The following TRABD2A variants were observed in gnomAD, a reference collection of about 807,000 sequenced individuals.
TRABD2A encodes metalloprotease TIKI1.
A neutral mutation model predicts 45.6 loss-of-function variants in TRABD2A; 43 were observed. The observed-to-expected ratio is 0.94, with a 90% CI of 0.74 to 1.22. TRABD2A has a LOEUF of 1.22. Among genes scored for constraint, TRABD2A ranks in the 50% most tolerant of loss-of-function variants. The pLI is 0.00. For missense variants in TRABD2A, 642 were observed against 652.4 expected, an observed-to-expected ratio of 0.98 and a Z score of 0.17; for synonymous variants, 269 against 265.0, an observed-to-expected ratio of 1.02 and a Z score of -0.15.
chr2:84,858,842 A>C (rs1682400998), intron 2 of TRABD2A, among the ~76,000 whole-genome samples: 1 of 152,180 alleles, frequency 6.6e-6, no homozygotes, highest in Non-Finnish European at 1.5e-5. Context: ...GTTGATTCCC[A>C]TTTGGCCATG....
Position 84,870,317 on chromosome 2 carries a change from C to A in TRABD2A, c.577G>T (p.Ala193Ser), listed in dbSNP as rs773475876. ...RGVPVLDLFL[A>S]QEAERLRKQT... ...TTCCTCAGCCGCTCAGCCTCCTGGG[C>A]AAGGAACAGGTCTAAGACAGGCACT... is the stretch of plus-strand genomic sequence containing the variant. The change falls in exon 2 of 7, where the codon GCC becomes TCC. Residue 193 changes from alanine (A) to serine (S), a missense_variant. Transcript: ENST00000409520. The A allele has an allele frequency of 1.9e-6, 3 of 1,614,018 alleles. No homozygotes were observed. The Admixed American group carries it at 5.0e-5, about 27-fold the overall frequency.
chr2:84,839,672 T>C (rs1041975429), intron 3 of TRABD2A, among the ~76,000 whole-genome samples: 1 of 152,194 alleles, frequency 6.6e-6, no homozygotes, highest in South Asian at 2.1e-4. Context: ...GATTCATACA[T>C]GCTTTTCTTA....
chr2:84,857,819 C>A (rs551809474), intron 2 of TRABD2A, among the ~76,000 whole-genome samples: 1 of 152,358 alleles, frequency 6.6e-6, no homozygotes, highest in South Asian at 2.1e-4. Flanking sequence ...CAGCCACACT[C>A]AGCGGTCAAA....
chr2:84,840,481 C>G lies in TRABD2A; in HGVS notation c.817-1158G>C, dbSNP rs539852936. Among the ~76,000 whole-genome samples the G allele has an allele frequency of 2.0e-5, 3 of 152,332 alleles. No homozygotes were observed. In the South Asian group the frequency reaches 6.2e-4, roughly 32 times the overall value. On this transcript the variant is annotated intron_variant, in intron 3 of 6. Transcript: ENST00000409520. ...CCTGCACCACTCCCTGCTGGCCAGC[C>G]TGGCCCTCACTCACAGTGACAGCAC...
At position 84,839,939 on chromosome 2, in the gene TRABD2A, G is replaced by A. The variant is rs141714001; in HGVS notation, c.817-616C>T. On this transcript the variant is annotated intron_variant, in intron 3 of 6. Coordinates refer to ENST00000409520, the MANE Select transcript of TRABD2A (RefSeq NM_001277053.2). ...GTGCATCAAAATTGTGACAATCAGC[G>A]TGGTTCTTGCAGCCCAGGAGCTACA... Among the ~76,000 whole-genome samples, 780 of 152,254 alleles carry A rather than the reference G, an allele frequency of 5.1e-3. 1 individual carries two copies. The highest frequency in any genetic ancestry group is 0.017 in the African/African-American group (720 of 41,538).
intron 1 of TRABD2A, among the ~76,000 whole-genome samples, chr2:84,880,327 CG>C (rs1410569970): frequency 6.6e-6 from 1 of 152,112 alleles, no homozygotes; most frequent in Non-Finnish European, 1.5e-5. Context: ...CTAAAGCGCC[CG>C]GCTGGACACG....
chr2:84,866,799 C>T (rs889419221), intron 2 of TRABD2A, among the ~76,000 whole-genome samples: 1 of 151,810 alleles, frequency 6.6e-6, no homozygotes, highest in Non-Finnish European at 1.5e-5. Flanking sequence ...AAGTCATACA[C>T]TGAGGCCAGG....
chr2:84,852,060 C>T (rs1467584341), intron 2 of TRABD2A, among the ~76,000 whole-genome samples: 2 of 152,164 alleles, frequency 1.3e-5, no homozygotes, highest in Non-Finnish European at 2.9e-5. Flanking sequence ...GGAGGCTCCA[C>T]GTGGTCCCTG....
chr2:84,863,990 T>C (rs1324296530), intron 2 of TRABD2A, among the ~76,000 whole-genome samples: 1 of 151,726 alleles, frequency 6.6e-6, no homozygotes, highest in Non-Finnish European at 1.5e-5. Context: ...GGAAAAGTCA[T>C]CTATGAGCAT....
rs1179524293 is a variant in TRABD2A, at chr2:84,838,673, T to G, written c.991+476A>C. On this transcript the variant is annotated intron_variant, in intron 4 of 6. Coordinates refer to ENST00000409520, the MANE Select transcript of TRABD2A (RefSeq NM_001277053.2). ...GAGTCACTCCGGGGGAGAGAATTTA[T>G]TTCAAGAAGCCCACAAAAGAAAATA... Among the ~76,000 whole-genome samples, 279 of 152,316 alleles carry G rather than the reference T, an allele frequency of 1.8e-3. 1 individual carries two copies. The highest frequency in any genetic ancestry group is 6.5e-3 in the African/African-American group (272 of 41,554).
rs192992850 is a variant in TRABD2A, at chr2:84,873,345, G to A, written c.109-2560C>T. On this transcript the variant is annotated intron_variant, in intron 1 of 6. Transcript: ENST00000409520. ...CTGAGGCAGGAGAATCGCTTGAACC[G>A]GGAGGCAGAGGTTTCAGTGAGCCAA... 2.2e-3 allele frequency among the ~76,000 whole-genome samples: 332 copies of A among 151,352 alleles called. 1 individual carries two copies. The highest frequency in any genetic ancestry group is 7.7e-3 in the African/African-American group (318 of 41,206).
Position 84,870,521 on chromosome 2 carries a change from G to A in TRABD2A, c.373C>T (p.Arg125Cys), listed in dbSNP as rs763234862. The A allele has an allele frequency of 1.7e-5, 28 of 1,613,886 alleles. No individual in the cohort carries two copies. The highest frequency in any genetic ancestry group is 2.7e-5 in the African/African-American group (2 of 74,910). The change falls in exon 2 of 7, where the codon CGC (arginine) becomes TGC (cysteine). Residue 125 changes from arginine to cysteine, a missense_variant. Arg to Cys is a radical substitution (Grantham distance 180). Transcript: ENST00000409520. The stretch of plus-strand genomic sequence containing the variant: ...ATGAGCTTGACATACTCCAGGTGGC[G>A]CTTGAGGCGGCAGTAGATGTCCCTG... ...LPRDIYCRLK[R>C]HLEYVKLMMP...
chr2:84,880,796 C>A (rs1359311409), intron 1 of TRABD2A, 136 bp downstream of exon 1: 3 of 1,312,440 alleles, frequency 2.3e-6, no homozygotes, highest in Non-Finnish European at 3.1e-6. Context: ...GAGCAAGGAG[C>A]GCCGCGGTGC....
chr2:84,822,019 G>A lies in TRABD2A; in HGVS notation c.1416C>T (p.Ser472=). The change falls in exon 7 of 7, where the codon TCC becomes TCT. Residue 472 remains serine (S), a synonymous_variant. Coordinates refer to ENST00000409520, the MANE Select transcript of TRABD2A (RefSeq NM_001277053.2). ...TELRLPRRGH[S]HHSQMVASSA... is the part of the protein sequence containing the mutation. ...TGCTGGCCACCATCTGGCTGTGGTG[G>A]GAATGCCCACGGCGAGGGAGCCGCA... 6.3e-7 allele frequency: 1 copy of A among 1,596,784 alleles called. No individual in the cohort carries two copies. Among genetic ancestry groups the A allele is most frequent in the South Asian group, 1.1e-5 (1 of 87,652 alleles).
chr2:84,842,726 CAAA>C (rs554936599), intron 2 of TRABD2A, among the ~76,000 whole-genome samples: 4 of 101,388 alleles, frequency 3.9e-5, no homozygotes, highest in Non-Finnish European at 4.2e-5. Context: ...GACTCTGTCT[CAAA>C]AAAAAAAAAA....
chr2:84,838,101 C>T, intron 4 of TRABD2A: 2 of 637,300 alleles, frequency 3.1e-6, no homozygotes, highest in Non-Finnish European at 2.9e-6. Context: ...AACTATTGGA[C>T]ATGTCAAATA....
chr2:84,838,332 C>T (rs913492593), intron 4 of TRABD2A: 1 of 694,442 alleles, frequency 1.4e-6, no homozygotes, highest in Non-Finnish European at 2.7e-6. Flanking sequence ...TAAATAAACA[C>T]TTCTAGGATT....
chr2:84,873,071 C>T (rs545924803), intron 1 of TRABD2A, among the ~76,000 whole-genome samples: 11 of 144,876 alleles, frequency 7.6e-5, no homozygotes, highest in African/African-American at 2.6e-4. Context: ...GCAGAGATAG[C>T]GCCACTGCAC....
chr2:84,870,669 C>T lies in TRABD2A; in HGVS notation c.225G>A (p.Lys75=). The T allele has an allele frequency of 6.2e-7, 1 of 1,609,604 alleles. No individual in the cohort carries two copies. Among genetic ancestry groups the T allele is most frequent in the Non-Finnish European group, 8.5e-7 (1 of 1,177,966 alleles). ...CAATGCTGCTCTGCAGGAAAGCCTC[C>T]TTAGAGTTGTCGGGGATGAAGTCCC... ...RVWDFIPDNS[K]EAFLQSSIVY... The change falls in exon 2 of 7, where the codon AAG becomes AAA. Residue 75 remains lysine (K), a synonymous_variant. Coordinates refer to ENST00000409520, the MANE Select transcript of TRABD2A (RefSeq NM_001277053.2).
Sources: allele counts gnomAD v4.1 joint callset (sites outside exome capture counted in the v4.1 genomes callset), GRCh38; gene constraint gnomAD v4.1.1; transcripts MANE v1.5; gene names NCBI Gene and HGNC (gene_info 2026-07-23, HGNC 2026-07-21).